Variants in CYS1 observed in about 807,000 individuals in gnomAD.
CYS1 encodes cystin 1.
CYS1 carries 5 observed loss-of-function variants against 9.6 expected under a neutral mutation model. The ratio of observed to expected loss-of-function variants is 0.52; its 90% CI spans 0.27 to 1.10. The LOEUF is 1.10. Ranked by LOEUF, CYS1 falls within the 50% of genes least tolerant of loss-of-function variation. CYS1 has a pLI of 0.11. For missense variants in CYS1, 221 were observed against 207.9 expected, an observed-to-expected ratio of 1.06 and a Z score of -0.39; for synonymous variants, 88 against 95.7, an observed-to-expected ratio of 0.92 and a Z score of 0.47.
intron 1 of CYS1, among the ~76,000 whole-genome samples, chr2:10,073,219 C>CG (rs1238154791): frequency 1.4e-5 from 2 of 146,650 alleles, no homozygotes; most frequent in South Asian, 2.2e-4. Context: ...GCCCCCCCCC[C>CG]CCCCCCGGCT....
rs987096382 is a variant in CYS1 at position 10,063,758 on chromosome 2, C to A, written c.371+2146G>T. ...ACGGGAGTCAGGTGTGTGCCGTGGG[C>A]AGCGAGAAGCACAGTGGGTACAGGG... is the stretch of plus-strand genomic sequence containing the variant. On this transcript the variant is annotated intron_variant, in intron 2 of 2. Transcript: ENST00000381813. The surrounding 1 kb of genome is among the most constrained non-coding windows in gnomAD (Gnocchi z 4.2). Among the ~76,000 whole-genome samples, 20 of 152,148 alleles carry A rather than the reference C, an allele frequency of 1.3e-4. No individual in the cohort carries two copies. Among genetic ancestry groups the A allele is most frequent in the African/African-American group, 4.8e-4 (20 of 41,448 alleles).
In CYS1 at chr2:10,066,061, G is replaced by A. The variant is rs534894373; in HGVS notation, c.319-105C>T. Reference sequence around the variant, plus strand: ...GACGATGGCCACCACTTTCAACCCAGGATCCATAAGCCTCGGAGCGGAAAG... The same window carrying A: ...GACGATGGCCACCACTTTCAACCCAAGATCCATAAGCCTCGGAGCGGAAAG... On this transcript the variant is annotated intron_variant, in intron 1 of 2. Coordinates refer to ENST00000381813, the MANE Select transcript of CYS1 (RefSeq NM_001037160.3). 8 of 1,288,126 alleles carry A rather than the reference G, an allele frequency of 6.2e-6. No homozygotes were observed. The East Asian group carries it at 1.9e-4, about 30-fold the overall frequency. The allele number at this position is 1,288,126 out of a possible 1,614,324, so 79.8% of individuals were successfully genotyped here.
At chr2:10,061,529 G>A (rs942700212) in intron 2 of CYS1, among the ~76,000 whole-genome samples, 1 of 152,238 alleles carries the variant, frequency 6.6e-6, no homozygotes, top group African/African-American at 2.4e-5. Flanking sequence ...CTGCTTGCCT[G>A]TGGATGTGAA....
At chr2:10,061,324 G>C (rs1661623735) in intron 2 of CYS1, among the ~76,000 whole-genome samples, 1 of 152,232 alleles carries the variant, frequency 6.6e-6, no homozygotes, top group Admixed American at 6.5e-5. Flanking sequence ...CCCGGCCACT[G>C]CCCTTCCTGT....
In CYS1 at chr2:10,058,587, CTCCCCGCGTTGGGGAGGA is replaced by C; in HGVS notation, c.*248_*265del. 2.6e-6 allele frequency: 1 copy of C among 383,328 alleles called. No homozygotes were observed. The highest frequency in any genetic ancestry group is 7.1e-4 in the Middle Eastern group (1 of 1,410). 23.7% of individuals were successfully genotyped at this position (383,328 alleles called of 1,614,324 possible). ...TCAGGCTCCAGAAGAACTGGGCAGGCTCCCCGCGTTGGGGAGGAGGCGCCGGCGGCCCAGGCCCACGCA... is the reference window on the plus strand; with the variant it reads ...TCAGGCTCCAGAAGAACTGGGCAGGCGGCGCCGGCGGCCCAGGCCCACGCA... On this transcript the variant is annotated 3_prime_UTR_variant, in exon 3 of 3. Transcript: ENST00000381813.
chr2:10,058,753 T>C lies in CYS1; in HGVS notation c.*100A>G, dbSNP rs1661584838. ...CTTTGAATATCCGGGAGTGACTGCG[T>C]TTTGGAGGTGGTTCAGCTCCTGCTA... On this transcript the variant is annotated 3_prime_UTR_variant, in exon 3 of 3. Coordinates refer to ENST00000381813, the MANE Select transcript of CYS1 (RefSeq NM_001037160.3). 1 of 1,027,144 alleles carries C rather than the reference T, an allele frequency of 9.7e-7. No homozygotes were observed. Among genetic ancestry groups the C allele is most frequent in the East Asian group, 2.7e-5 (1 of 37,242 alleles). 63.6% of individuals were successfully genotyped at this position (1,027,144 alleles called of 1,614,324 possible). A position where few individuals can be genotyped will look rare whatever the true frequency, so the allele number is the denominator to read the frequency against.
At chr2:10,065,807 C>T in intron 2 of CYS1, 97 bp downstream of exon 2, 1 of 1,237,718 alleles carries the variant, frequency 8.1e-7, no homozygotes, top group Admixed American at 1.8e-5. Context: ...TCGTGAGGAC[C>T]TGGAGGAAAG....
intron 1 of CYS1, among the ~76,000 whole-genome samples, chr2:10,077,257 C>G (rs904936133): frequency 1.3e-5 from 2 of 152,164 alleles, no homozygotes; most frequent in African/African-American, 4.8e-5. Flanking sequence ...TGCCACCTCA[C>G]TCCCCCTTTC....
Position 10,079,994 on chromosome 2 carries a change from A to T in CYS1, c.230T>A (p.Leu77Gln), listed in dbSNP as rs1341507302. The change falls in exon 1 of 3, where the codon CTG (leucine) becomes CAG (glutamine). Residue 77 changes from leucine (L) to glutamine (Q), a missense_variant. Physicochemically the swap from Leu to Gln is moderately radical, Grantham distance 113. Coordinates refer to ENST00000381813, the MANE Select transcript of CYS1 (RefSeq NM_001037160.3). Reference sequence around the variant, plus strand: ...GCCCCAGGCCGCCGACTCGGCCAGCAGCTCGTCCAGCAGGCGCAGCGTCTC... The same window carrying T: ...GCCCCAGGCCGCCGACTCGGCCAGCTGCTCGTCCAGCAGGCGCAGCGTCTC... ...RDETLRLLDE[L>Q]LAESAAWGPP... is the part of the protein sequence containing the mutation. 9.2e-7 allele frequency: 1 copy of T among 1,091,510 alleles called. No individual in the cohort carries two copies. The highest frequency in any genetic ancestry group is 1.1e-6 in the Non-Finnish European group (1 of 899,476). The allele number at this position is 1,091,510 out of a possible 1,614,324, so 67.6% of individuals were successfully genotyped here. A position where few individuals can be genotyped will look rare whatever the true frequency, so the allele number is the denominator to read the frequency against.
chr2:10,080,000 T>G lies in CYS1; in HGVS notation c.224A>C (p.Asp75Ala). 5 of 1,088,480 alleles carry G rather than the reference T, an allele frequency of 4.6e-6. No individual in the cohort carries two copies. Among genetic ancestry groups the G allele is most frequent in the Non-Finnish European group, 5.6e-6 (5 of 897,706 alleles). 67.4% of individuals were successfully genotyped at this position (1,088,480 alleles called of 1,614,324 possible). ...DGRDETLRLL[D>A]ELLAESAAWG... ...GGCCGCCGACTCGGCCAGCAGCTCG[T>G]CCAGCAGGCGCAGCGTCTCGTCCCT... Residue 75 changes from aspartate (D) to alanine (A), a missense_variant, in exon 1 of 3, where the codon GAC (aspartate) becomes GCC (alanine). Coordinates refer to ENST00000381813, the MANE Select transcript of CYS1 (RefSeq NM_001037160.3).
At chr2:10,073,209 G>GGGGCCCC in intron 1 of CYS1, among the ~76,000 whole-genome samples, 1 of 130,048 alleles carries the variant, frequency 7.7e-6, no homozygotes, top group East Asian at 2.2e-4. Flanking sequence ...TCTGGGAACC[G>GGGGCCCC]CCCCCCCCCC....
rs951713968 is a variant in CYS1 at position 10,076,119 on chromosome 2, G to A, written c.318+3787C>T. ...CAGGAGAATTGCTTGAATCCTGGAG[G>A]CAGAGGTTGCAGTGAGCCGATGCAC... On this transcript the variant is annotated intron_variant, in intron 1 of 2. Transcript: ENST00000381813. The surrounding 1 kb of genome is among the most constrained non-coding windows in gnomAD (Gnocchi z 4.3). Among the ~76,000 whole-genome samples the A allele has an allele frequency of 2.6e-5, 4 of 152,166 alleles. No homozygotes were observed. The highest frequency in any genetic ancestry group is 9.7e-5 in the African/African-American group (4 of 41,428).
Position 10,058,706 on chromosome 2 carries a change from G to T in CYS1, c.*147C>A. 1 of 690,030 alleles carries T rather than the reference G, an allele frequency of 1.4e-6. No individual in the cohort carries two copies. Among genetic ancestry groups the T allele is most frequent in the Non-Finnish European group, 2.4e-6 (1 of 424,876 alleles). The allele number at this position is 690,030 out of a possible 1,614,324, so 42.7% of individuals were successfully genotyped here. On this transcript the variant is annotated 3_prime_UTR_variant, in exon 3 of 3. Coordinates refer to ENST00000381813, the MANE Select transcript of CYS1 (RefSeq NM_001037160.3). ...TGGCTGGCCCAGGTCAGCGCGGTCT[G>T]AAAGTGGATTTGAAAGGGCAGCTTT... is the stretch of plus-strand genomic sequence containing the variant.
chr2:10,074,134 GTA>G (rs58274207), intron 1 of CYS1, among the ~76,000 whole-genome samples: 4,346 of 152,202 alleles, frequency 0.029, 210 homozygotes, highest in African/African-American at 0.097. Flanking sequence ...CTGTACTCTG[GTA>G]TGGCATCAGC....
rs939749857 is a variant in CYS1 at position 10,080,284 on chromosome 2, C to T, written c.-61G>A. 2.8e-5 allele frequency: 27 copies of T among 981,084 alleles called. No individual in the cohort carries two copies. In the African/African-American group the frequency reaches 4.6e-4, roughly 17 times the overall value. The allele number at this position is 981,084 out of a possible 1,614,324, so 60.8% of individuals were successfully genotyped here. A position where few individuals can be genotyped will look rare whatever the true frequency, so the allele number is the denominator to read the frequency against. On this transcript the variant is annotated 5_prime_UTR_variant, in exon 1 of 3. Coordinates refer to ENST00000381813, the MANE Select transcript of CYS1 (RefSeq NM_001037160.3). The surrounding 1 kb of genome is among the most constrained non-coding windows in gnomAD (Gnocchi z 6.4). ...CCCCATGAGGGGGCGCGGCCGGGGG[C>T]GGGGACGCTAGGGGGTGCGGCCGGG...
intron 2 of CYS1, among the ~76,000 whole-genome samples, chr2:10,061,692 G>C (rs1464887139): frequency 3.9e-5 from 6 of 152,214 alleles, no homozygotes; most frequent in Admixed American, 2.0e-4. Flanking sequence ...GCAGCCCTGG[G>C]GCTAGGGTGA....
chr2:10,068,650 T>C lies in CYS1; in HGVS notation c.319-2694A>G, dbSNP rs564589869. On this transcript the variant is annotated intron_variant, in intron 1 of 2. Coordinates refer to ENST00000381813, the MANE Select transcript of CYS1 (RefSeq NM_001037160.3). ...TCAAAGGAAAAAACTTTTGGGTAAA[T>C]AGGTGTACACGATTACAAAGAAACC... is the stretch of plus-strand genomic sequence containing the variant. 7.9e-5 allele frequency among the ~76,000 whole-genome samples: 12 copies of C among 152,256 alleles called. No individual in the cohort carries two copies. In the South Asian group the frequency reaches 2.3e-3, roughly 29 times the overall value.
Position 10,080,155 on chromosome 2 carries a change from C to T in CYS1, c.69G>A (p.Ala23=). The T allele has an allele frequency of 9.5e-7, 1 of 1,052,676 alleles. No homozygotes were observed. Among genetic ancestry groups the T allele is most frequent in the Non-Finnish European group, 1.1e-6 (1 of 875,896 alleles). The allele number at this position is 1,052,676 out of a possible 1,614,324, so 65.2% of individuals were successfully genotyped here. ...CCTCCAGGGCTGCCGCTCCGGGCCC[C>T]GCGGGGAGGCTCTCGGGGCTGCGCC... The part of the protein sequence containing the change: ...RRRRSPESLP[A]GPGAAALEGG... The change falls in exon 1 of 3, where the codon GCG becomes GCA. Residue 23 remains alanine, a synonymous_variant. Transcript: ENST00000381813. This position sits in a 1 kb window ranked among gnomAD's most constrained non-coding sequence, Gnocchi z 6.4.
At chr2:10,064,013 A>G (rs1661662459) in intron 2 of CYS1, among the ~76,000 whole-genome samples, 1 of 152,232 alleles carries the variant, frequency 6.6e-6, no homozygotes, top group Non-Finnish European at 1.5e-5. Flanking sequence ...ACCTGAGGCC[A>G]GGAGTTTGAG....
Sources: gnomAD v4.1 joint callset for allele counts (sites outside exome capture counted in the v4.1 genomes callset) on GRCh38, gnomAD v4.1.1 for gene constraint, Gnocchi (gnomAD v3.1) non-coding constraint, MANE v1.5 for transcripts, NCBI Gene and HGNC (gene_info 2026-07-23, HGNC 2026-07-21) for gene names.